AP2A2: variants seen among roughly 807,000 people sequenced by gnomAD.
The protein encoded by AP2A2 is AP-2 complex subunit alpha-2.
Under a neutral mutation model 104.2 loss-of-function variants are expected in AP2A2, and 32 were observed. The observed-to-expected ratio is 0.31, with a 90% CI of 0.23 to 0.41. AP2A2 has a LOEUF of 0.41. Ranked by LOEUF, AP2A2 falls within the 10% of genes least tolerant of loss-of-function variation. The pLI, the probability that AP2A2 is intolerant of heterozygous loss-of-function variation, is 1.00. For missense variants in AP2A2, 912 were observed against 1,261.0 expected (o/e 0.72, Z 4.19); for synonymous variants, 539 against 533.3 (o/e 1.01, Z -0.15).
chr11:938,600 G>A (rs955905591), intron 1 of AP2A2, among the ~76,000 whole-genome samples: 7 of 151,226 alleles, frequency 4.6e-5, no homozygotes, highest in African/African-American at 1.5e-4. Flanking sequence ...TCAGCCTCTC[G>A]AGTAGCTGGG....
intron 6 of AP2A2, among the ~76,000 whole-genome samples, chr11:983,555 T>C (rs1022339431): frequency 2.0e-5 from 3 of 151,064 alleles, no homozygotes; most frequent in Admixed American, 2.0e-4. Context: ...GCTAATTTTT[T>C]GTATTTTTTA....
At chr11:1,003,573 G>A in intron 15 of AP2A2, 149 bp from the exon 16 acceptor site, 1 of 534,496 alleles carries the variant, frequency 1.9e-6, no homozygotes, top group Non-Finnish European at 3.3e-6. Flanking sequence ...TGTCAGGATA[G>A]TCCTTGGAAT....
chr11:979,754 A>T (rs1378830633), intron 5 of AP2A2, among the ~76,000 whole-genome samples: 1 of 152,006 alleles, frequency 6.6e-6, no homozygotes, highest in African/African-American at 2.4e-5. Context: ...TTTAGTAGAG[A>T]TGGGGTTTCA....
chr11:1,009,627 G>A (rs12806695), intron 20 of AP2A2, 56 bp from the exon 21 acceptor site: 8 of 1,458,334 alleles, frequency 5.5e-6, no homozygotes, highest in Non-Finnish European at 7.5e-6. Flanking sequence ...GGCCCCGGGG[G>A]ACACGCTGCC....
intron 9 of AP2A2, among the ~76,000 whole-genome samples, chr11:987,737 C>T (rs973897652): frequency 3.3e-5 from 5 of 152,246 alleles, no homozygotes; most frequent in Non-Finnish European, 5.9e-5. Flanking sequence ...AGAGCGACCC[C>T]GAGGGTTCGT....
intron 1 of AP2A2, among the ~76,000 whole-genome samples, chr11:935,719 G>C (rs376597022): frequency 2.1e-5 from 3 of 145,510 alleles, no homozygotes; most frequent in African/African-American, 7.6e-5. Flanking sequence ...ACAATTCTCT[G>C]TCTCAGCGTC....
At chr11:929,286 G>A (rs1366193322) in intron 1 of AP2A2, among the ~76,000 whole-genome samples, 1 of 152,126 alleles carries the variant, frequency 6.6e-6, no homozygotes, top group Non-Finnish European at 1.5e-5. Context: ...TGAATGATAG[G>A]AGTAGTCGGG....
rs980831509 is a variant in AP2A2 at position 970,451 on chromosome 11, C to G, written c.279+140C>G. On this transcript the variant is annotated intron_variant, in intron 3 of 21. Coordinates refer to ENST00000448903, the MANE Select transcript of AP2A2 (RefSeq NM_012305.4). ...CGTGGGTCTGCTGCAGATGGAGACG[C>G]GTGCCCAGTCCTTGTTAGCACCTGC... The G allele has an allele frequency of 4.6e-6, 5 of 1,089,344 alleles. No homozygotes were observed. The Admixed American group carries it at 1.1e-4, about 24-fold the overall frequency. The allele number at this position is 1,089,344 out of a possible 1,614,324, so 67.5% of individuals were successfully genotyped here.
At chr11:938,594 C>T (rs919130557) in intron 1 of AP2A2, among the ~76,000 whole-genome samples, 1 of 151,774 alleles carries the variant, frequency 6.6e-6, no homozygotes, top group Non-Finnish European at 1.5e-5. Context: ...CCTGCCTCAG[C>T]CTCTCGAGTA....
At chr11:984,902 G>A (rs373187584) in intron 7 of AP2A2, 149 bp downstream of exon 7, 76 of 702,186 alleles carry the variant, frequency 1.1e-4, no homozygotes, top group Admixed American at 1.7e-4. Context: ...TGCTGTATGC[G>A]CTGGCTTTCG....
At chr11:1,006,443 T>C (rs936931029) in intron 16 of AP2A2, 85 bp from the exon 17 acceptor site, 2 of 929,000 alleles carry the variant, frequency 2.2e-6, no homozygotes, top group Non-Finnish European at 3.4e-6. Context: ...AGCTGAAGAT[T>C]GTGGGGGGCT....
intron 10 of AP2A2, 140 bp downstream of exon 10, chr11:988,829 C>A: frequency 8.8e-7 from 1 of 1,141,216 alleles, no homozygotes; most frequent in Non-Finnish European, 1.2e-6. Flanking sequence ...TCCTCTGCCT[C>A]TGTGTTTTCA....
At chr11:978,361 G>T (rs921269994) in intron 5 of AP2A2, among the ~76,000 whole-genome samples, 1 of 152,192 alleles carries the variant, frequency 6.6e-6, no homozygotes, top group Non-Finnish European at 1.5e-5. Context: ...CCATGCAGCC[G>T]CAGGGTCACC....
chr11:982,797 G>A (rs1255494550), intron 6 of AP2A2, among the ~76,000 whole-genome samples: 1 of 151,288 alleles, frequency 6.6e-6, no homozygotes, highest in African/African-American at 2.4e-5. Flanking sequence ...ATTAACAGGC[G>A]CCCGCCAGCA....
Position 993,717 on chromosome 11 carries a change from A to C in AP2A2, c.1551-37A>C. 1 of 1,496,782 alleles carries C rather than the reference A, an allele frequency of 6.7e-7. No individual in the cohort carries two copies. The highest frequency in any genetic ancestry group is 2.5e-5 in the East Asian group (1 of 40,716). 92.7% of individuals were successfully genotyped at this position (1,496,782 alleles called of 1,614,324 possible). A position where few individuals can be genotyped will look rare whatever the true frequency, so the allele number is the denominator to read the frequency against. On this transcript the variant is annotated intron_variant, in intron 12 of 21. Coordinates refer to ENST00000448903, the MANE Select transcript of AP2A2 (RefSeq NM_012305.4). This position sits in a 1 kb window ranked among gnomAD's most constrained non-coding sequence, Gnocchi z 8.2. ...GGGGCGTGCTGCAGCCTGCGAGGGG[A>C]CGACGGTGTCCCTGTGTTGTGCCTC...
At chr11:1,009,581 C>T (rs1300802254) in intron 20 of AP2A2, 102 bp from the exon 21 acceptor site, 38 of 1,079,376 alleles carry the variant, frequency 3.5e-5, no homozygotes, top group East Asian at 1.8e-4. Flanking sequence ...CCGGGGGACA[C>T]GCAGCCCACG....
At chr11:999,370 G>A (rs1042436022) in intron 14 of AP2A2, among the ~76,000 whole-genome samples, 1 of 152,132 alleles carries the variant, frequency 6.6e-6, no homozygotes. Context: ...AAATTAACTG[G>A]GCGTGATGGC....
At chr11:978,220 G>A (rs1423098041) in intron 5 of AP2A2, among the ~76,000 whole-genome samples, 3 of 152,134 alleles carry the variant, frequency 2.0e-5, no homozygotes, top group Non-Finnish European at 2.9e-5. Flanking sequence ...ATGGCAGCCG[G>A]TCACTGGGCT....
chr11:950,012 A>G (rs1332085271), intron 1 of AP2A2, among the ~76,000 whole-genome samples: 1 of 152,214 alleles, frequency 6.6e-6, no homozygotes, highest in African/African-American at 2.4e-5. Context: ...ATACTGGTAT[A>G]AGGACAGATA....
Sources: gnomAD v4.1 joint callset for allele counts (sites outside exome capture counted in the v4.1 genomes callset) on GRCh38, gnomAD v4.1.1 for gene constraint, Gnocchi (gnomAD v3.1) non-coding constraint, MANE v1.5 for transcripts, NCBI Gene and HGNC (gene_info 2026-07-23, HGNC 2026-07-21) for gene names.